FRYL: variants seen among roughly 807,000 people sequenced by gnomAD.
FRYL encodes protein furry homolog-like.
In FRYL, 150 loss-of-function variants were observed where a neutral mutation model predicts 351.2. The observed-to-expected ratio is 0.43, with a 90% CI of 0.37 to 0.49. The LOEUF (loss-of-function observed/expected upper bound fraction) is 0.49. Ranked by LOEUF, FRYL falls within the 20% of genes least tolerant of loss-of-function variation. The probability of loss-of-function intolerance (pLI) is 0.00; values close to 1 mark genes in which losing one functional copy is unlikely to be tolerated. For synonymous variants in FRYL, 1,153 were observed against 1,257.1 expected (o/e 0.92, Z 1.75); for missense variants, 3,036 against 3,619.3 (o/e 0.84, Z 4.13).
intron 2 of FRYL, among the ~76,000 whole-genome samples, chr4:48,696,850 AT>A (rs2149568720): frequency 2.5e-5 from 1 of 39,240 alleles, no homozygotes; most frequent in East Asian, 5.5e-4. Flanking sequence ...TAAGAGATCT[AT>A]CTATCTATCT....
chr4:48,550,759 C>A, intron 37 of FRYL, 55 bp from the exon 38 acceptor site: 1 of 1,201,528 alleles, frequency 8.3e-7, no homozygotes, highest in Non-Finnish European at 1.2e-6. Context: ...GGTATTTATA[C>A]TTTATGTTTC....
intron 3 of FRYL, among the ~76,000 whole-genome samples, chr4:48,652,253 GTTC>G (rs1322539741): frequency 6.6e-6 from 1 of 152,130 alleles, no homozygotes; most frequent in Non-Finnish European, 1.5e-5. Flanking sequence ...ATAATACACT[GTTC>G]TTCTATAAGA....
chr4:48,704,463 A>G (rs1767089168), intron 2 of FRYL, among the ~76,000 whole-genome samples: 2 of 152,208 alleles, frequency 1.3e-5, no homozygotes, highest in African/African-American at 2.4e-5. Flanking sequence ...ACAAAGAGGT[A>G]TAACTTCTTA....
intron 1 of FRYL, among the ~76,000 whole-genome samples, chr4:48,752,692 A>G (rs1379282576): frequency 6.6e-6 from 1 of 152,258 alleles, no homozygotes; most frequent in Admixed American, 6.5e-5. Context: ...AAAAAGCAAC[A>G]TGATAAAATG....
intron 3 of FRYL, among the ~76,000 whole-genome samples, chr4:48,643,934 C>A (rs1399698345): frequency 1.3e-5 from 2 of 152,178 alleles, no homozygotes; most frequent in South Asian, 4.1e-4. Flanking sequence ...TTAATTAGCA[C>A]AGCTCCAACT....
chr4:48,680,996 C>T, intron 3 of FRYL: 5 of 1,281,022 alleles, frequency 3.9e-6, no homozygotes, highest in Non-Finnish European at 5.1e-6. Flanking sequence ...TGCTCATCCA[C>T]CGTCTTCTCA....
chr4:48,664,306 C>T (rs1212354838), intron 3 of FRYL, among the ~76,000 whole-genome samples: 1 of 152,080 alleles, frequency 6.6e-6, no homozygotes, highest in African/African-American at 2.4e-5. Flanking sequence ...TTGCAGAGGA[C>T]ACAGTGGAAG....
chr4:48,716,908 G>A (rs927265728), intron 1 of FRYL, among the ~76,000 whole-genome samples: 2 of 151,310 alleles, frequency 1.3e-5, no homozygotes, highest in African/African-American at 4.8e-5. Context: ...TTAAGAAAAT[G>A]TGGCACATAT....
intron 3 of FRYL, among the ~76,000 whole-genome samples, chr4:48,668,901 T>C (rs977427737): frequency 9.8e-5 from 15 of 152,364 alleles, no homozygotes; most frequent in African/African-American, 3.4e-4. Context: ...TGAATATTGC[T>C]TCCTGAATTC....
chr4:48,557,534 C>G lies in FRYL; in HGVS notation c.4044G>C (p.Arg1348Ser), dbSNP rs749178385. The G allele has an allele frequency of 1.4e-5, 23 of 1,614,018 alleles. No individual in the cohort carries two copies. In the South Asian group the frequency reaches 2.3e-4, roughly 16 times the overall value. Reference protein sequence around the residue: ...LKDRELMVTSRRWLRGEGWGS... With the variant: ...LKDRELMVTSSRWLRGEGWGS... Reference sequence around the variant, plus strand: ...CCCATCCTTCTCCCCGTAACCAGCGCCTACTAGTCACCATAAGTTCTCGGT... The same window carrying G: ...CCCATCCTTCTCCCCGTAACCAGCGGCTACTAGTCACCATAAGTTCTCGGT... Residue 1348 changes from arginine (R) to serine (S), a missense_variant, in exon 34 of 64, where the codon AGG becomes AGC. By Grantham distance (110) the Arg-to-Ser change is moderately radical. Around this residue, in one of 7 missense-constraint regions of FRYL, gnomAD observed 1,987 missense variants for 2,311.7 expected, o/e 0.86. Coordinates refer to ENST00000358350, the MANE Select transcript of FRYL (RefSeq NM_015030.2).
chr4:48,778,770 G>T (rs1375242818), intron 1 of FRYL, among the ~76,000 whole-genome samples: 1 of 152,112 alleles, frequency 6.6e-6, no homozygotes, highest in Non-Finnish European at 1.5e-5. Flanking sequence ...CTTTACAGAC[G>T]ATATCTCCTA....
At chr4:48,670,996 C>G (rs1294852533) in intron 3 of FRYL, among the ~76,000 whole-genome samples, 1 of 152,108 alleles carries the variant, frequency 6.6e-6, no homozygotes, top group Non-Finnish European at 1.5e-5. Context: ...TATAGTCACT[C>G]TATTTTTAGA....
chr4:48,658,258 G>A (rs1759669926), intron 3 of FRYL, among the ~76,000 whole-genome samples: 1 of 151,952 alleles, frequency 6.6e-6, no homozygotes. Flanking sequence ...TCCTCATATT[G>A]ACAGTTTTAA....
chr4:48,499,437 C>A lies in FRYL; in HGVS notation c.9027G>T (p.Val3009=). The A allele has an allele frequency of 6.2e-7, 1 of 1,613,964 alleles. No homozygotes were observed. The highest frequency in any genetic ancestry group is 8.5e-7 in the Non-Finnish European group (1 of 1,179,882). The change falls in exon 64 of 64, where the codon GTG becomes GTT. Residue 3009 remains valine, a synonymous_variant. Transcript: ENST00000358350. ...CTGAAGTGTCTCAGAATCCAGTGCT[C>A]ACCATATTTCCCATTGGTTTGGCCT... ...LAQAKPMGNM[V]STGF
At chr4:48,727,943 G>A (rs1207310806) in intron 1 of FRYL, among the ~76,000 whole-genome samples, 3 of 152,134 alleles carry the variant, frequency 2.0e-5, no homozygotes, top group Non-Finnish European at 4.4e-5. Flanking sequence ...AAGCACTTGT[G>A]AAGCTGATAA....
intron 2 of FRYL, among the ~76,000 whole-genome samples, chr4:48,688,985 T>C (rs1765433611): frequency 6.6e-6 from 1 of 152,064 alleles, no homozygotes; most frequent in African/African-American, 2.4e-5. Flanking sequence ...TCTCCCAAAT[T>C]TCAATTTTAA....
intron 47 of FRYL, among the ~76,000 whole-genome samples, chr4:48,536,445 A>G (rs778722256): frequency 2.6e-5 from 4 of 152,202 alleles, no homozygotes; most frequent in Non-Finnish European, 5.9e-5. Context: ...TCCTCGGCCA[A>G]TCTTTTAAAG....
intron 4 of FRYL, 53 bp from the exon 5 acceptor site, chr4:48,623,232 A>C (rs983641747): frequency 6.8e-6 from 7 of 1,028,170 alleles, no homozygotes; most frequent in African/African-American, 6.7e-5. Context: ...CAAATATAAA[A>C]CATTAGAAAT....
chr4:48,634,599 C>G (rs1753868189), intron 3 of FRYL, 109 bp from the exon 4 acceptor site: 2 of 683,300 alleles, frequency 2.9e-6, no homozygotes, highest in South Asian at 1.9e-5. Context: ...AACCAGTTCT[C>G]CCAATCTCCT....
Sources: gnomAD v4.1 joint callset for allele counts (sites outside exome capture counted in the v4.1 genomes callset) on GRCh38, gnomAD v4.1.1 for gene constraint, gnomAD v4.1.1 regional missense constraint, MANE v1.5 for transcripts, NCBI Gene and HGNC (gene_info 2026-07-23, HGNC 2026-07-21) for gene names.